Variants in PCDHGA4 observed in about 807,000 individuals in gnomAD.
The protein encoded by PCDHGA4 is protocadherin gamma-A4.
In PCDHGA4, 38 loss-of-function variants were observed where a neutral mutation model predicts 54.6. The ratio of observed to expected loss-of-function variants is 0.70; its 90% CI spans 0.54 to 0.91. PCDHGA4 has a LOEUF of 0.91. Ranked by LOEUF, PCDHGA4 falls within the 40% of genes least tolerant of loss-of-function variation. The pLI is 0.00. For synonymous variants in PCDHGA4, 511 were observed against 512.9 expected (o/e 1.00, Z 0.05); for missense variants, 1,298 against 1,220.9 (o/e 1.06, Z -0.94).
At chr5:141,361,057 G>T (rs768644219) in intron 1 of PCDHGA4, 2 of 1,613,830 alleles carry the variant, frequency 1.2e-6, no homozygotes, top group Non-Finnish European at 1.7e-6. Context: ...GGATGATTTG[G>T]ATTTTGAGAT....
chr5:141,365,539 C>T, intron 1 of PCDHGA4: 1 of 1,613,718 alleles, frequency 6.2e-7, no homozygotes, highest in Non-Finnish European at 8.5e-7. Flanking sequence ...ATTACTATCA[C>T]CTATTAACAA....
In PCDHGA4 at chr5:141,431,183, A is replaced by G. The variant is rs1467232519; in HGVS notation, c.2515-63624A>G. Reference sequence around the variant, plus strand: ...TCGTGAAAGTGAATTAGAAATAAAAATTAGTGAAAATGCAGCCACTGAGAT... The same window carrying G: ...TCGTGAAAGTGAATTAGAAATAAAAGTTAGTGAAAATGCAGCCACTGAGAT... On this transcript the variant is annotated intron_variant, in intron 1 of 3. Transcript: ENST00000571252. The surrounding 1 kb of genome is among the most constrained non-coding windows in gnomAD (Gnocchi z 4.8). 1 of 1,614,218 alleles carries G rather than the reference A, an allele frequency of 6.2e-7. No individual in the cohort carries two copies. The highest frequency in any genetic ancestry group is 2.2e-5 in the East Asian group (1 of 44,880).
intron 1 of PCDHGA4, chr5:141,478,272 A>G: frequency 6.2e-7 from 1 of 1,614,160 alleles, no homozygotes; most frequent in Non-Finnish European, 8.5e-7. Context: ...AAAGTTTACA[A>G]GTGGAAGCAG....
chr5:141,376,522 G>A (rs767035645), intron 1 of PCDHGA4: 18 of 1,613,784 alleles, frequency 1.1e-5, no homozygotes, highest in Non-Finnish European at 1.5e-5. Flanking sequence ...GTTTCTTTCC[G>A]CCTAAGCGGG....
At chr5:141,500,866 A>G (rs576713520) in intron 2 of PCDHGA4, among the ~76,000 whole-genome samples, 19 of 146,112 alleles carry the variant, frequency 1.3e-4, no homozygotes, top group South Asian at 4.3e-4. Context: ...AAACATACAC[A>G]TTCATTTACA....
At chr5:141,430,551 C>T (rs2097292247) in intron 1 of PCDHGA4, 2 of 406,412 alleles carry the variant, frequency 4.9e-6, no homozygotes, top group Admixed American at 4.1e-5. Context: ...CCGCTGTTCA[C>T]CAATCGGGGA....
At position 141,356,136 on chromosome 5, in the gene PCDHGA4, T is replaced by C. The variant is rs1279455399; in HGVS notation, c.1029T>C (p.Ser343=). The change falls in exon 1 of 4, where the codon TCT becomes TCC. Residue 343 remains serine, a synonymous_variant. Transcript: ENST00000571252. ...TILGGLDYED[S]GFYDIDVEAH... is the part of the protein sequence containing the mutation. ...TGGGGGGTCTAGATTATGAGGACTCTGGATTCTATGACATAGATGTAGAAG... is the reference window on the plus strand; with the variant it reads ...TGGGGGGTCTAGATTATGAGGACTCCGGATTCTATGACATAGATGTAGAAG... The C allele has an allele frequency of 1.2e-6, 2 of 1,613,734 alleles. No homozygotes were observed. The highest frequency in any genetic ancestry group is 1.1e-5 in the South Asian group (1 of 90,990).
In PCDHGA4 at chr5:141,431,841, C is replaced by T; in HGVS notation, c.2515-62966C>T. The T allele has an allele frequency of 6.2e-7, 1 of 1,614,246 alleles. No homozygotes were observed. Among genetic ancestry groups the T allele is most frequent in the Non-Finnish European group, 8.5e-7 (1 of 1,180,044 alleles). ...GCCAGCTCGGTTCCCGAAAACTCTC[C>T]CAGAGGGACATTAATTGCCCTTTTA... On this transcript the variant is annotated intron_variant, in intron 1 of 3. Coordinates refer to ENST00000571252, the MANE Select transcript of PCDHGA4 (RefSeq NM_018917.4). The surrounding 1 kb of genome is among the most constrained non-coding windows in gnomAD (Gnocchi z 4.8).
rs888836155 is a variant in PCDHGA4, at chr5:141,512,011, A to C, written c.*838A>C. The C allele has an allele frequency of 1.3e-5, 2 of 152,946 alleles. No homozygotes were observed. The highest frequency in any genetic ancestry group is 6.5e-5 in the Admixed American group (1 of 15,300). The allele number at this position is 152,946 out of a possible 1,614,324, so 9.5% of individuals were successfully genotyped here. ...GGCATGGACAAAGCTTGACACATCA[A>C]GTTATCAAGGCCTTGGAGGAGGCTC... On this transcript the variant is annotated 3_prime_UTR_variant, in exon 4 of 4. Coordinates refer to ENST00000571252, the MANE Select transcript of PCDHGA4 (RefSeq NM_018917.4).
chr5:141,428,251 T>G, intron 1 of PCDHGA4: 2 of 893,496 alleles, frequency 2.2e-6, no homozygotes, highest in Non-Finnish European at 3.6e-6. Context: ...ACTGCCAGAC[T>G]TCAGTGACAG....
chr5:141,502,238 T>C (rs2099813398), intron 2 of PCDHGA4, among the ~76,000 whole-genome samples: 1 of 152,204 alleles, frequency 6.6e-6, no homozygotes, highest in Admixed American at 6.5e-5. Flanking sequence ...TGTGTTCTTT[T>C]ATCCTTTTTT....
rs934044974 is a variant in PCDHGA4, at chr5:141,476,034, C to T, written c.2515-18773C>T. 3 of 1,464,488 alleles carry T rather than the reference C, an allele frequency of 2.0e-6. No individual in the cohort carries two copies. The highest frequency in any genetic ancestry group is 2.3e-5 in the Admixed American group (1 of 44,364). The allele number at this position is 1,464,488 out of a possible 1,614,324, so 90.7% of individuals were successfully genotyped here. A position where few individuals can be genotyped will look rare whatever the true frequency, so the allele number is the denominator to read the frequency against. On this transcript the variant is annotated intron_variant, in intron 1 of 3. Transcript: ENST00000571252. The surrounding 1 kb of genome is among the most constrained non-coding windows in gnomAD (Gnocchi z 7.6). ...CCATGTCGGACTCGGCGCCCAGCGC[C>T]CAAGCGCTAACCCGCTGAAAGTTTC...
At chr5:141,388,887 G>C in intron 1 of PCDHGA4, 1 of 1,613,988 alleles carries the variant, frequency 6.2e-7, no homozygotes, top group Non-Finnish European at 8.5e-7. Context: ...GGAGGTAGAA[G>C]TCATAGATGA....
chr5:141,375,513 T>C (rs1771538043), intron 1 of PCDHGA4: 2 of 1,614,038 alleles, frequency 1.2e-6, no homozygotes, highest in Non-Finnish European at 1.7e-6. Flanking sequence ...GTGAATGCAC[T>C]GGACCCTGAC....
In PCDHGA4 at chr5:141,487,186, A is replaced by G; in HGVS notation, c.2515-7621A>G. 4 of 1,613,760 alleles carry G rather than the reference A, an allele frequency of 2.5e-6. No individual in the cohort carries two copies. The highest frequency in any genetic ancestry group is 2.5e-6 in the Non-Finnish European group (3 of 1,179,662). ...TGTCCTTAGAGGAAGACACTCATCC[A>G]GTTGTCCCAGATCTTCGAGAATCTT... is the stretch of plus-strand genomic sequence containing the variant. On this transcript the variant is annotated intron_variant, in intron 1 of 3. Coordinates refer to ENST00000571252, the MANE Select transcript of PCDHGA4 (RefSeq NM_018917.4). This position sits in a 1 kb window ranked among gnomAD's most constrained non-coding sequence, Gnocchi z 5.0.
chr5:141,422,156 T>C, intron 1 of PCDHGA4: 2 of 1,573,504 alleles, frequency 1.3e-6, no homozygotes, highest in Non-Finnish European at 8.6e-7. Flanking sequence ...TCTCTGGATT[T>C]TGAAAAATAT....
chr5:141,383,948 C>A, intron 1 of PCDHGA4: 1 of 1,613,600 alleles, frequency 6.2e-7, no homozygotes, highest in South Asian at 1.1e-5. Flanking sequence ...GTGACTATGA[C>A]GTCTTTAAGT....
chr5:141,461,334 G>T (rs558562450), intron 1 of PCDHGA4, among the ~76,000 whole-genome samples: 75 of 152,166 alleles, frequency 4.9e-4, no homozygotes, highest in African/African-American at 1.7e-3. Flanking sequence ...GGCCATTCTT[G>T]CAGGACCAAG....
At chr5:141,365,624 C>A in intron 1 of PCDHGA4, 1 of 1,613,680 alleles carries the variant, frequency 6.2e-7, no homozygotes, top group Non-Finnish European at 8.5e-7. Context: ...AACCCCGCCC[C>A]TCTCTACAGA....
Sources: gnomAD v4.1 joint callset for allele counts (sites outside exome capture counted in the v4.1 genomes callset) on GRCh38, gnomAD v4.1.1 for gene constraint, Gnocchi (gnomAD v3.1) non-coding constraint, MANE v1.5 for transcripts, NCBI Gene and HGNC (gene_info 2026-07-23, HGNC 2026-07-21) for gene names.